Variants in OPLAH observed in about 807,000 individuals in gnomAD.
OPLAH encodes the protein 5-oxoprolinase.
OPLAH carries 103 observed loss-of-function variants against 122.8 expected under a neutral mutation model. The observed-to-expected ratio is 0.84, with a 90% CI of 0.71 to 0.99. The LOEUF (loss-of-function observed/expected upper bound fraction) is 0.99. OPLAH is among the 50% of genes least tolerant of loss of function. OPLAH has a pLI of 0.00. For synonymous variants in OPLAH, 875 were observed against 796.0 expected (o/e 1.10, Z -1.67); for missense variants, 1,902 against 1,836.5 (o/e 1.04, Z -0.65).
downstream of OPLAH, chr8:144,050,459 G>A (rs1376170171): frequency 4.2e-5 from 41 of 985,520 alleles, no homozygotes; most frequent in Admixed American, 2.5e-4. Flanking sequence ...TGCTGGAAAG[G>A]TCCAGCAGGA....
Position 144,059,683 on chromosome 8 carries a change from C to T in OPLAH, c.279G>A (p.Gly93=), listed in dbSNP as rs371223067. The change falls in exon 3 of 27, where the codon GGG becomes GGA. Residue 93 remains glycine, a synonymous_variant. Transcript: ENST00000618853. ...VATNALLERK[G]ERVALLVTRG... ...GTGTCACCAGCAGCGCCACCCGCTC[C>T]CCCTTCCGCTCCAGCAGTGCGTTGG... The T allele has an allele frequency of 6.2e-7, 1 of 1,612,322 alleles. No individual in the cohort carries two copies. The highest frequency in any genetic ancestry group is 8.5e-7 in the Non-Finnish European group (1 of 1,179,840).
rs1373642781 is a variant in OPLAH, at chr8:144,056,397, G to A, written c.1971C>T (p.Pro657=). Reference sequence around the variant, plus strand: ...CAGGACCACCAACCTTGTCCACCCGGGGAGGCCCGGTCTGGGCTTTGGGGG... The same window carrying A: ...CAGGACCACCAACCTTGTCCACCCGAGGAGGCCCGGTCTGGGCTTTGGGGG... ...EDAPKAQTGP[P]RVDKMTQCYF... Residue 657 remains proline (P), a synonymous_variant, in exon 14 of 27, where the codon CCC becomes CCT. Transcript: ENST00000618853. The A allele has an allele frequency of 1.2e-6, 2 of 1,605,832 alleles. No homozygotes were observed. The highest frequency in any genetic ancestry group is 2.2e-5 in the East Asian group (1 of 44,522).
At chr8:144,051,526 C>T in intron 26 of OPLAH, 54 bp from the exon 27 acceptor site, 6 of 1,377,500 alleles carry the variant, frequency 4.4e-6, no homozygotes, top group South Asian at 1.4e-5. Context: ...GTGGCCCCTC[C>T]CTGTCACCTG....
chr8:144,055,628 T>C lies in OPLAH; in HGVS notation c.2248+160A>G, dbSNP rs979864905. Among the ~76,000 whole-genome samples the C allele has an allele frequency of 2.0e-5, 3 of 152,090 alleles. No individual in the cohort carries two copies. The highest frequency in any genetic ancestry group is 2.1e-4 in the South Asian group (1 of 4,828). On this transcript the variant is annotated intron_variant, in intron 16 of 26. Transcript: ENST00000618853. The surrounding 1 kb of genome is among the most constrained non-coding windows in gnomAD (Gnocchi z 6.5). ...AGGTGTCCTCCCTGCCCAAGGTTTGTTCTCATGGCCAACTGCACCACACCA... is the reference window on the plus strand; with the variant it reads ...AGGTGTCCTCCCTGCCCAAGGTTTGCTCTCATGGCCAACTGCACCACACCA...
At position 144,051,490 on chromosome 8, in the gene OPLAH, G is replaced by C. The variant is rs782550616; in HGVS notation, c.3721-18C>G. 1 of 1,427,064 alleles carries C rather than the reference G, an allele frequency of 7.0e-7. No homozygotes were observed. Among genetic ancestry groups the C allele is most frequent in the Admixed American group, 2.4e-5 (1 of 42,382 alleles). 88.4% of individuals were successfully genotyped at this position (1,427,064 alleles called of 1,614,324 possible). A position where few individuals can be genotyped will look rare whatever the true frequency, so the allele number is the denominator to read the frequency against. ...AACACATCCTGTTGGCGCGGGGGGG[G>C]GCGGGGAGGCGGGCTCAGTGCAGGC... On this transcript the variant is annotated intron_variant, in intron 26 of 26. Coordinates refer to ENST00000618853, the MANE Select transcript of OPLAH (RefSeq NM_017570.5).
At position 144,053,141 on chromosome 8, in the gene OPLAH, C is replaced by T; in HGVS notation, c.2872-12G>A. 2 of 1,607,488 alleles carry T rather than the reference C, an allele frequency of 1.2e-6. No homozygotes were observed. The highest frequency in any genetic ancestry group is 1.7e-6 in the Non-Finnish European group (2 of 1,177,608). ...AGCTCAGCGTTTGCCTGGCAGGGAG[C>T]AGGATCAGTGGTGGCCAGGTCACCT... is the stretch of plus-strand genomic sequence containing the variant. On this transcript the variant is annotated splice_polypyrimidine_tract_variant and intron_variant, in intron 20 of 26. Coordinates refer to ENST00000618853, the MANE Select transcript of OPLAH (RefSeq NM_017570.5).
chr8:144,053,442 C>A, intron 19 of OPLAH, 49 bp from the exon 20 acceptor site: 4 of 1,533,882 alleles, frequency 2.6e-6, no homozygotes, highest in Non-Finnish European at 3.5e-6. Context: ...CTGTCTGCAC[C>A]CCCAACCCAG....
At chr8:144,051,505 T>TGGGGAACCGCG in intron 26 of OPLAH, 33 bp from the exon 27 acceptor site, 1 of 1,380,162 alleles carries the variant, frequency 7.2e-7, no homozygotes, top group Non-Finnish European at 9.5e-7. Context: ...GGAGGCGGGC[T>TGGGGAACCGCG]CAGTGCAGGC....
chr8:144,052,664 C>T, intron 22 of OPLAH, 66 bp from the exon 23 acceptor site: 2 of 1,532,692 alleles, frequency 1.3e-6, no homozygotes, highest in Non-Finnish European at 1.8e-6. Context: ...CACCCCACCC[C>T]CCGCCCCAGC....
upstream of OPLAH, among the ~76,000 whole-genome samples, chr8:144,062,253 G>C (rs1554761013): frequency 6.6e-6 from 1 of 152,020 alleles, no homozygotes; most frequent in African/African-American, 2.4e-5. Context: ...ACAGGGATGG[G>C]GCCCAGGATC....
intron 15 of OPLAH, 79 bp downstream of exon 15, chr8:144,056,068 C>G (rs1835505606): frequency 6.5e-7 from 1 of 1,535,460 alleles, no homozygotes; most frequent in African/African-American, 1.4e-5. Context: ...CCCCTGCAGC[C>G]TTGGGCCAGA....
chr8:144,062,937 C>T (rs975839305), upstream of OPLAH, among the ~76,000 whole-genome samples: 4 of 151,690 alleles, frequency 2.6e-5, no homozygotes, highest in Non-Finnish European at 5.9e-5. Flanking sequence ...CTCCACTGCG[C>T]GTCTCGGGGG....
chr8:144,050,817 G>T (rs1469028553), downstream of OPLAH: 1 of 989,896 alleles, frequency 1.0e-6, no homozygotes, highest in Non-Finnish European at 1.2e-6. Flanking sequence ...GCACCTCCGT[G>T]CTCCACCAGT....
Position 144,051,285 on chromosome 8 carries a change from C to A in OPLAH, c.*41G>T. ...ACGAACTAGGCGCCGTAGCTGCGTC[C>A]CCAGAACCGGGAGACTTAAGGCATC... On this transcript the variant is annotated 3_prime_UTR_variant, in exon 27 of 27. Coordinates refer to ENST00000618853, the MANE Select transcript of OPLAH (RefSeq NM_017570.5). 1 of 1,606,294 alleles carries A rather than the reference C, an allele frequency of 6.2e-7. No homozygotes were observed. The highest frequency in any genetic ancestry group is 2.3e-5 in the East Asian group (1 of 44,392).
rs1554760328 is a variant in OPLAH at position 144,059,373 on chromosome 8, A to G, written c.363+226T>C. On this transcript the variant is annotated intron_variant, in intron 3 of 26. Coordinates refer to ENST00000618853, the MANE Select transcript of OPLAH (RefSeq NM_017570.5). ...TGAACAGGGTAGCTTGGGTGGCCCC[A>G]CACCAGCATCCAGGGTGGGCATGGC... 3.3e-5 allele frequency among the ~76,000 whole-genome samples: 5 copies of G among 152,324 alleles called. No homozygotes were observed. In the East Asian group the frequency reaches 5.8e-4, roughly 18 times the overall value.
intron 9 of OPLAH, 46 bp downstream of exon 9, chr8:144,057,810 C>T (rs782056192): frequency 2.7e-5 from 44 of 1,603,634 alleles, no homozygotes; most frequent in South Asian, 5.5e-5. Context: ...GGGCCTGCGG[C>T]GGCAAGCGGA....
intron 19 of OPLAH, among the ~76,000 whole-genome samples, 193 bp downstream of exon 19, chr8:144,054,368 G>T (rs1363301844): frequency 6.6e-6 from 1 of 152,088 alleles, no homozygotes; most frequent in Non-Finnish European, 1.5e-5. Flanking sequence ...GCCTTCCTGG[G>T]CCCAGGCTGA....
In OPLAH at chr8:144,055,338, GC is replaced by G; in HGVS notation, c.2249-150del. 1 of 785,660 alleles carries G rather than the reference GC, an allele frequency of 1.3e-6. No individual in the cohort carries two copies. Among genetic ancestry groups the G allele is most frequent in the Non-Finnish European group, 1.9e-6 (1 of 538,094 alleles). The allele number at this position is 785,660 out of a possible 1,614,324, so 48.7% of individuals were successfully genotyped here. A position where few individuals can be genotyped will look rare whatever the true frequency, so the allele number is the denominator to read the frequency against. On this transcript the variant is annotated intron_variant, in intron 16 of 26. Transcript: ENST00000618853. The surrounding 1 kb of genome is among the most constrained non-coding windows in gnomAD (Gnocchi z 6.5). ...CTGGGGAAGACCAAGTTGACGGTGT[GC>G]CCACTTGGCCACGTCTTAGCCTATG... is the stretch of plus-strand genomic sequence containing the variant.
chr8:144,056,134 G>A lies in OPLAH; in HGVS notation c.2096+13C>T. 1.3e-6 allele frequency: 2 copies of A among 1,598,678 alleles called. No individual in the cohort carries two copies. Among genetic ancestry groups the A allele is most frequent in the Non-Finnish European group, 1.7e-6 (2 of 1,168,600 alleles). ...CCGTCCACATCCTCCACCCTGGCCGGACTTCAGCCCACCTGTTACTGTCGA... is the reference window on the plus strand; with the variant it reads ...CCGTCCACATCCTCCACCCTGGCCGAACTTCAGCCCACCTGTTACTGTCGA... On this transcript the variant is annotated intron_variant, in intron 15 of 26. Coordinates refer to ENST00000618853, the MANE Select transcript of OPLAH (RefSeq NM_017570.5).
Sources: gnomAD v4.1 joint callset for allele counts (sites outside exome capture counted in the v4.1 genomes callset) on GRCh38, gnomAD v4.1.1 for gene constraint, Gnocchi (gnomAD v3.1) non-coding constraint, MANE v1.5 for transcripts, NCBI Gene and HGNC (gene_info 2026-07-23, HGNC 2026-07-21) for gene names.